Variants in KAZN observed in about 807,000 individuals in gnomAD.
KAZN encodes kazrin, periplakin interacting protein.
In KAZN, 40 loss-of-function variants were observed where a neutral mutation model predicts 87.4. The ratio of observed to expected loss-of-function variants is 0.46; its 90% confidence interval spans 0.36 to 0.60. KAZN has a LOEUF of 0.60. Ranked by LOEUF, KAZN falls within the 20% of genes least tolerant of loss-of-function variation. KAZN has a pLI of 0.00. For missense variants in KAZN, 898 were observed against 1,073.9 expected (o/e 0.84, Z 2.29); for synonymous variants, 466 against 458.3 (o/e 1.02, Z -0.22).
chr1:14,273,072 G>A (rs1236196892), intron 2 of KAZN, among the ~76,000 whole-genome samples: 2 of 152,050 alleles, frequency 1.3e-5, no homozygotes, highest in Non-Finnish European at 2.9e-5. Flanking sequence ...TACATTTATT[G>A]TTGGGCTGGA....
intron 1 of KAZN, among the ~76,000 whole-genome samples, chr1:14,887,682 T>TTC (rs1015365856): frequency 6.6e-6 from 1 of 151,184 alleles, no homozygotes; most frequent in African/African-American, 2.4e-5. Flanking sequence ...TTTTTTTTTT[T>TTC]GCGGTCGTGC....
intron 2 of KAZN, among the ~76,000 whole-genome samples, chr1:14,584,310 T>C (rs1675722440): frequency 6.6e-6 from 1 of 152,174 alleles, no homozygotes; most frequent in African/African-American, 2.4e-5. Flanking sequence ...TTGAGGCAGC[T>C]AAGGTAGAAT....
chr1:14,073,991 T>C (rs1045548798), intron 1 of KAZN, among the ~76,000 whole-genome samples: 2 of 152,152 alleles, frequency 1.3e-5, no homozygotes, highest in South Asian at 2.1e-4. Context: ...ATTCTGGAAA[T>C]AGAACAAAAT....
At chr1:14,729,302 C>T (rs971506266) in intron 1 of KAZN, among the ~76,000 whole-genome samples, 1 of 152,218 alleles carries the variant, frequency 6.6e-6, no homozygotes, top group African/African-American at 2.4e-5. Context: ...TGGGCTCCAA[C>T]TGAGCATCCA....
chr1:14,480,273 T>C (rs1668997580), intron 2 of KAZN, among the ~76,000 whole-genome samples: 1 of 152,228 alleles, frequency 6.6e-6, no homozygotes, highest in Non-Finnish European at 1.5e-5. Flanking sequence ...TCAGGTGGGC[T>C]CTGCGCATAT....
intron 1 of KAZN, among the ~76,000 whole-genome samples, chr1:14,644,355 GTT>G (rs149320583): frequency 7.3e-6 from 1 of 136,494 alleles, no homozygotes; most frequent in Admixed American, 7.3e-5. Context: ...TTGTAAATTT[GTT>G]TTTTTTTTTT....
chr1:14,683,907 A>C (rs958485061), intron 1 of KAZN, among the ~76,000 whole-genome samples: 3 of 152,192 alleles, frequency 2.0e-5, no homozygotes, highest in African/African-American at 4.8e-5. Context: ...TGCAATACAC[A>C]CTGATTCTTG....
At chr1:14,852,441 A>C (rs1649565960) in intron 1 of KAZN, among the ~76,000 whole-genome samples, 1 of 152,146 alleles carries the variant, frequency 6.6e-6, no homozygotes, top group South Asian at 2.1e-4. Context: ...ACCGGAGCCA[A>C]ATCCTTCCCG....
intron 1 of KAZN, among the ~76,000 whole-genome samples, chr1:14,839,704 A>G (rs1647711189): frequency 6.6e-6 from 1 of 152,074 alleles, no homozygotes; most frequent in South Asian, 2.1e-4. Flanking sequence ...GCTAGATTGT[A>G]TCTTTAAGAA....
intron 2 of KAZN, among the ~76,000 whole-genome samples, chr1:14,502,954 CA>C (rs1366924844): frequency 2.0e-5 from 3 of 152,202 alleles, no homozygotes; most frequent in Non-Finnish European, 4.4e-5. Flanking sequence ...CTAAAACCCA[CA>C]ATCATTCTTC....
chr1:14,611,355 T>C (rs1677804625), intron 1 of KAZN, among the ~76,000 whole-genome samples: 1 of 152,368 alleles, frequency 6.6e-6, no homozygotes, highest in South Asian at 2.1e-4. Context: ...TAATGGATTC[T>C]AGAAAAGTAG....
chr1:14,024,692 G>A (rs1337736290), intron 1 of KAZN, among the ~76,000 whole-genome samples: 1 of 152,174 alleles, frequency 6.6e-6, no homozygotes, highest in African/African-American at 2.4e-5. Context: ...AGCTGGTAGG[G>A]TTTGGCAGTC....
intron 2 of KAZN, among the ~76,000 whole-genome samples, chr1:15,005,209 A>G (rs1668877729): frequency 6.6e-6 from 1 of 152,138 alleles, no homozygotes; most frequent in African/African-American, 2.4e-5. Context: ...TATTTGGAAA[A>G]AAAAACATGT....
intron 1 of KAZN, among the ~76,000 whole-genome samples, chr1:14,758,513 A>G (rs768266377): frequency 1.3e-5 from 2 of 151,268 alleles, no homozygotes; most frequent in Admixed American, 6.6e-5. Flanking sequence ...GAGTTTCACT[A>G]TGTTGCCCAG....
At chr1:14,681,575 T>C (rs1416356600) in intron 1 of KAZN, among the ~76,000 whole-genome samples, 1 of 129,892 alleles carries the variant, frequency 7.7e-6, no homozygotes, top group East Asian at 2.3e-4. Context: ...AGACATAACA[T>C]AAAATTTGCC....
chr1:15,114,922 C>G lies in KAZN; in HGVS notation c.*287C>G, dbSNP rs561791516. On this transcript the variant is annotated 3_prime_UTR_variant, in exon 15 of 15. Coordinates refer to ENST00000376030, the MANE Select transcript of KAZN (RefSeq NM_201628.3). The stretch of plus-strand genomic sequence containing the variant: ...CCTGCCTCCATCCAGGATACACAGG[C>G]TCCACCTCAGAGTGACCGTCACTGT... The G allele has an allele frequency of 2.4e-4, 67 of 285,046 alleles. No individual in the cohort carries two copies. Among genetic ancestry groups the G allele is most frequent in the Non-Finnish European group, 3.8e-4 (57 of 150,526 alleles). The allele number at this position is 285,046 out of a possible 1,614,324, so 17.7% of individuals were successfully genotyped here.
At chr1:13,973,341 C>T (rs550601740) in intron 1 of KAZN, among the ~76,000 whole-genome samples, 2 of 152,286 alleles carry the variant, frequency 1.3e-5, no homozygotes, top group South Asian at 4.1e-4. Flanking sequence ...AGGAGGCTGA[C>T]CCCTGTGGAC....
At chr1:14,690,427 C>G (rs773372499) in intron 1 of KAZN, among the ~76,000 whole-genome samples, 1 of 152,178 alleles carries the variant, frequency 6.6e-6, no homozygotes, top group Non-Finnish European at 1.5e-5. Flanking sequence ...GCAGACCGAG[C>G]TGGGCGTTCT....
intron 1 of KAZN, among the ~76,000 whole-genome samples, chr1:13,900,776 A>T (rs1639218978): frequency 6.6e-6 from 1 of 152,186 alleles, no homozygotes; most frequent in African/African-American, 2.4e-5. Context: ...TCTCATTTGC[A>T]CAAGGAGAAT....
Sources: allele counts gnomAD v4.1 joint callset (sites outside exome capture counted in the v4.1 genomes callset), GRCh38; gene constraint gnomAD v4.1.1; transcripts MANE v1.5; gene names NCBI Gene and HGNC (gene_info 2026-07-23, HGNC 2026-07-21).